Variants in PTPRB observed in about 807,000 individuals in gnomAD.
PTPRB encodes protein tyrosine phosphatase receptor type B, also known as receptor-type tyrosine-protein phosphatase beta.
In PTPRB, 97 loss-of-function variants were observed where a neutral mutation model predicts 238.1. The ratio of observed to expected loss-of-function variants is 0.41; its 90% CI spans 0.35 to 0.48. The LOEUF (loss-of-function observed/expected upper bound fraction) is 0.48. Among genes scored for constraint, PTPRB ranks in the 20% least tolerant of loss-of-function variants. PTPRB has a pLI of 0.30. For synonymous variants in PTPRB, 970 were observed against 995.4 expected, an observed-to-expected ratio of 0.97 and a Z score of 0.48; for missense variants, 2,292 against 2,681.9, an observed-to-expected ratio of 0.85 and a Z score of 3.21.
intron 18 of PTPRB, among the ~76,000 whole-genome samples, chr12:70,558,483 T>C (rs1276272374): frequency 1.3e-5 from 2 of 152,144 alleles, no homozygotes; most frequent in Non-Finnish European, 2.9e-5. Context: ...ATACTGGGTA[T>C]TATTGAAACA....
intron 4 of PTPRB, among the ~76,000 whole-genome samples, chr12:70,597,607 GA>G (rs1883143842): frequency 6.6e-6 from 1 of 152,108 alleles, no homozygotes; most frequent in African/African-American, 2.4e-5. Context: ...GTGGGATCAA[GA>G]TATTGGAGAC....
At chr12:70,563,160 G>C in intron 15 of PTPRB, 53 bp from the exon 16 acceptor site, 1 of 1,492,198 alleles carries the variant, frequency 6.7e-7, no homozygotes, top group Non-Finnish European at 9.2e-7. Flanking sequence ...GTGAGGAGAA[G>C]GGAGCAGGTG....
At chr12:70,635,546 T>C (rs561763938) in intron 2 of PTPRB, 125 bp downstream of exon 2, 1 of 1,209,018 alleles carries the variant, frequency 8.3e-7, no homozygotes, top group South Asian at 1.6e-5. Flanking sequence ...GAATCTTCCA[T>C]AGGAAATATG....
chr12:70,581,413 T>TA, intron 9 of PTPRB, 111 bp from the exon 10 acceptor site: 1 of 1,170,016 alleles, frequency 8.5e-7, no homozygotes. Flanking sequence ...AAATAATTTT[T>TA]GTGTTGTTGC....
intron 2 of PTPRB, among the ~76,000 whole-genome samples, 159 bp from the exon 3 acceptor site, chr12:70,622,805 A>G (rs1395310125): frequency 6.6e-6 from 1 of 152,154 alleles, no homozygotes; most frequent in Non-Finnish European, 1.5e-5. Context: ...GTGTGTGACA[A>G]TGTTCATTTG....
chr12:70,563,216 T>C, intron 15 of PTPRB, 109 bp from the exon 16 acceptor site: 1 of 1,104,696 alleles, frequency 9.1e-7, no homozygotes, highest in Non-Finnish European at 1.3e-6. Flanking sequence ...GATTCAGTGA[T>C]ACGGGAAACA....
At chr12:70,559,135 A>G in intron 18 of PTPRB, 1 of 618,394 alleles carries the variant, frequency 1.6e-6, no homozygotes, top group Non-Finnish European at 2.8e-6. Flanking sequence ...ACCTAATTGT[A>G]AGCCCCATGA....
chr12:70,590,144 C>G lies in PTPRB; in HGVS notation c.1870G>C (p.Glu624Gln), dbSNP rs941308561. ...VSWSPPAGDW[E>Q]QYRILLFNDS... The stretch of plus-strand genomic sequence containing the variant: ...TTGAAGAGTAGGATCCGATACTGCT[C>G]CCAGTCTCCAGCAGGGGGCGACCAG... Residue 624 changes from glutamate to glutamine, a missense_variant, in exon 8 of 34, where the codon GAG becomes CAG. By Grantham distance (29) the Glu-to-Gln change is conservative. Around this residue, in one of 4 missense-constraint regions of PTPRB, gnomAD observed 1,205 missense variants for 1,287.8 expected, o/e 0.94. Transcript: ENST00000334414. 3.7e-6 allele frequency: 6 copies of G among 1,613,612 alleles called. No homozygotes were observed. The highest frequency in any genetic ancestry group is 1.7e-4 in the Middle Eastern group (1 of 6,058).
In PTPRB at chr12:70,539,995, A is replaced by G; in HGVS notation, c.5622T>C (p.Arg1874=). 1 of 1,610,802 alleles carries G rather than the reference A, an allele frequency of 6.2e-7. No individual in the cohort carries two copies. Among genetic ancestry groups the G allele is most frequent in the Non-Finnish European group, 8.5e-7 (1 of 1,177,034 alleles). Residue 1874 remains arginine, a synonymous_variant, in exon 24 of 34, where the codon CGT becomes CGC. Coordinates refer to ENST00000334414, the MANE Select transcript of PTPRB (RefSeq NM_001109754.4). ...VSHGRERPSA[R]LSIRRDRPLS... ...ATGGTCGATCCCTACGAATGCTCAG[A>G]CGGGCAGAGGGTCTTTCTCGACCAT...
chr12:70,529,272 G>A (rs1455638455), intron 32 of PTPRB, among the ~76,000 whole-genome samples: 1 of 152,158 alleles, frequency 6.6e-6, no homozygotes, highest in Non-Finnish European at 1.5e-5. Context: ...GTCAGCCAGT[G>A]ATATTGACAG....
intron 22 of PTPRB, among the ~76,000 whole-genome samples, chr12:70,543,781 T>G (rs1875535048): frequency 6.6e-6 from 1 of 152,194 alleles, no homozygotes; most frequent in Non-Finnish European, 1.5e-5. Flanking sequence ...GTGCAGAGGT[T>G]GTACGCTTGG....
At chr12:70,544,047 A>G (rs1253063630) in intron 22 of PTPRB, among the ~76,000 whole-genome samples, 1 of 152,200 alleles carries the variant, frequency 6.6e-6, no homozygotes, top group Non-Finnish European at 1.5e-5. Flanking sequence ...AGAAATTGTT[A>G]TGCACAGTCT....
intron 3 of PTPRB, among the ~76,000 whole-genome samples, chr12:70,610,093 C>G (rs2304822): frequency 0.061 from 9,214 of 152,192 alleles, 514 homozygotes; most frequent in East Asian, 0.21. Flanking sequence ...GCCCCAGCCC[C>G]GTCCGCTGAC....
Position 70,519,552 on chromosome 12 carries a change from A to G in PTPRB, c.*1937T>C, listed in dbSNP as rs1350846826. The G allele has an allele frequency of 6.6e-6, 1 of 152,196 alleles. No homozygotes were observed. Among genetic ancestry groups the G allele is most frequent in the Non-Finnish European group, 1.5e-5 (1 of 68,022 alleles). The allele number at this position is 152,196 out of a possible 1,614,324, so 9.4% of individuals were successfully genotyped here. ...TTTCTGAGTGAATGAAAAGTCGAAA[A>G]TGAATGTATCCTTCCAAGCATTAAT... On this transcript the variant is annotated 3_prime_UTR_variant, in exon 34 of 34. Transcript: ENST00000334414.
rs1024635639 is a variant in PTPRB at position 70,609,904 on chromosome 12, G to T, written c.709-565C>A. ...GGGCAGGGGGTCACCTGTTGCGCGC[G>T]CTCAGCGCGCCCCGTGGGCGCAGCG... On this transcript the variant is annotated intron_variant, in intron 3 of 33. Transcript: ENST00000334414. 3.8e-4 allele frequency: 466 copies of T among 1,237,534 alleles called. 1 individual carries two copies. The highest frequency in any genetic ancestry group is 1.7e-4 in the Non-Finnish European group (159 of 926,960). The allele number at this position is 1,237,534 out of a possible 1,614,324, so 76.7% of individuals were successfully genotyped here.
chr12:70,632,097 T>C (rs1035080783), intron 2 of PTPRB, among the ~76,000 whole-genome samples: 1 of 152,174 alleles, frequency 6.6e-6, no homozygotes, highest in African/African-American at 2.4e-5. Context: ...CAAAGGATTA[T>C]AAATCAAGCT....
chr12:70,591,083 A>G (rs977473468), intron 7 of PTPRB, among the ~76,000 whole-genome samples: 3 of 148,680 alleles, frequency 2.0e-5, no homozygotes, highest in Non-Finnish European at 3.0e-5. Context: ...GGCACATGTC[A>G]CCATGCCCAG....
At chr12:70,578,048 A>G (rs11608760) in intron 10 of PTPRB, among the ~76,000 whole-genome samples, 14,459 of 152,246 alleles carry the variant, frequency 0.095, 746 homozygotes, top group Non-Finnish European at 0.12. Context: ...ATTAGAAAAG[A>G]CACAATTATC....
rs1344388871 is a variant in PTPRB, at chr12:70,515,928, G to A, written c.*5561C>T. 1 of 82,870 alleles carries A rather than the reference G, an allele frequency of 1.2e-5. No individual in the cohort carries two copies. The highest frequency in any genetic ancestry group is 2.3e-5 in the Non-Finnish European group (1 of 43,838). 5.1% of individuals were successfully genotyped at this position (82,870 alleles called of 1,614,324 possible). ...GAGAATGTATGCAAGATGCTATATA[G>A]ATTTTTTTTTTACCACAGTTACAAA... On this transcript the variant is annotated 3_prime_UTR_variant, in exon 34 of 34. Coordinates refer to ENST00000334414, the MANE Select transcript of PTPRB (RefSeq NM_001109754.4).
Sources: allele counts gnomAD v4.1 joint callset (sites outside exome capture counted in the v4.1 genomes callset), GRCh38; gene constraint gnomAD v4.1.1; regional missense constraint gnomAD v4.1.1; transcripts MANE v1.5; gene names NCBI Gene and HGNC (gene_info 2026-07-23, HGNC 2026-07-21).